The following CEP63 variants were observed in gnomAD, a reference collection of about 807,000 sequenced individuals.
CEP63 encodes the protein centrosomal protein of 63 kDa.
In CEP63, 84 loss-of-function variants were observed where a neutral mutation model predicts 89.1. The observed-to-expected ratio is 0.94, with a 90% CI of 0.79 to 1.13. CEP63 has a LOEUF of 1.13. Among genes scored for constraint, CEP63 ranks in the 50% most tolerant of loss-of-function variants. The pLI, the probability that CEP63 is intolerant of heterozygous loss-of-function variation, is 0.00. For synonymous variants in CEP63, 267 were observed against 272.5 expected (o/e 0.98, Z 0.20); for missense variants, 838 against 813.3 (o/e 1.03, Z -0.37).
chr3:134,601,480 T>C, the CEP63 span, among the ~76,000 whole-genome samples: 1 of 152,252 alleles, frequency 6.6e-6, no homozygotes, highest in Non-Finnish European at 1.5e-5. Flanking sequence ...AAGGCACTTA[T>C]TGTTTTGATG....
the CEP63 span, chr3:134,755,816 C>CT: frequency 6.6e-6 from 1 of 152,274 alleles, no homozygotes; most frequent in Non-Finnish European, 1.5e-5. Context: ...CTGACTGGTG[C>CT]TTTGAGTTTT....
chr3:134,736,920 A>G, the CEP63 span, among the ~76,000 whole-genome samples: 11 of 152,310 alleles, frequency 7.2e-5, no homozygotes, highest in African/African-American at 2.6e-4. Flanking sequence ...ATTTTTAAAA[A>G]GTTACAGTAA....
Position 134,583,015 on chromosome 3 carries a change from T to C in CEP63, c.1207-4443T>C, listed in dbSNP as rs556433404. On this transcript the variant is annotated intron_variant, in intron 10 of 10. Transcript: ENST00000683931. ...TCTGTTCATATCCTTTGCCCACTTT[T>C]TGATGGGGTTGTTTGTTTTTTTCTT... Among the ~76,000 whole-genome samples the C allele has an allele frequency of 5.9e-5, 9 of 152,354 alleles. 1 individual carries two copies. The South Asian group carries it at 1.9e-3, about 32-fold the overall frequency.
chr3:134,746,686 G>A, the CEP63 span, among the ~76,000 whole-genome samples: 2 of 152,194 alleles, frequency 1.3e-5, no homozygotes, highest in African/African-American at 4.8e-5. Flanking sequence ...GTGATGATGA[G>A]CATTTTTTCA....
the CEP63 span, among the ~76,000 whole-genome samples, chr3:134,598,899 A>T: frequency 6.6e-6 from 1 of 152,196 alleles, no homozygotes; most frequent in Non-Finnish European, 1.5e-5. Flanking sequence ...TGCTTGCAAA[A>T]TCAGACAGAA....
At chr3:134,750,438 A>G in the CEP63 span, among the ~76,000 whole-genome samples, 1 of 152,186 alleles carries the variant, frequency 6.6e-6, no homozygotes, top group Non-Finnish European at 1.5e-5. Flanking sequence ...GGATTCCTCC[A>G]TCTCTCTCAG....
At chr3:134,709,105 C>T in the CEP63 span, among the ~76,000 whole-genome samples, 1 of 152,130 alleles carries the variant, frequency 6.6e-6, no homozygotes, top group African/African-American at 2.4e-5. Flanking sequence ...TAATGAAGAC[C>T]TTGATAGACC....
downstream of CEP63, among the ~76,000 whole-genome samples, chr3:134,577,358 T>G (rs1186075103): frequency 6.6e-6 from 1 of 152,064 alleles, no homozygotes; most frequent in Non-Finnish European, 1.5e-5. Context: ...ATGTCAACAT[T>G]TCATCATATA....
the CEP63 span, among the ~76,000 whole-genome samples, chr3:134,712,079 C>T: frequency 2.0e-5 from 3 of 152,120 alleles, no homozygotes; most frequent in Non-Finnish European, 4.4e-5. Context: ...TTGATCATTA[C>T]GTGTGACTTT....
At chr3:134,494,071 G>A (rs188143250) in intron 1 of CEP63, among the ~76,000 whole-genome samples, 25 of 150,338 alleles carry the variant, frequency 1.7e-4, no homozygotes, top group Admixed American at 1.2e-3. Context: ...TTTCTTCATG[G>A]TGTATCTTAC....
intron 3 of CEP63, among the ~76,000 whole-genome samples, chr3:134,513,753 C>A (rs893096348): frequency 1.3e-5 from 2 of 151,988 alleles, no homozygotes; most frequent in African/African-American, 2.4e-5. Flanking sequence ...AGAACAGGCC[C>A]TCTTGAAAAA....
In CEP63 at chr3:134,489,714, TA is replaced by T. The variant is rs773583649; in HGVS notation, c.-26+3513del. Among the ~76,000 whole-genome samples, 3 of 152,314 alleles carry T rather than the reference TA, an allele frequency of 2.0e-5. No homozygotes were observed. The South Asian group carries it at 6.2e-4, about 32-fold the overall frequency. On this transcript the variant is annotated intron_variant, in intron 1 of 14. Coordinates refer to ENST00000675561, the MANE Select transcript of CEP63 (RefSeq NM_001353108.3). The stretch of plus-strand genomic sequence containing the variant: ...TTCCAGCTGTTTGACTACCCTGAAA[TA>T]CAATTTGTACAGGAAAGGCAAGAAA...
intron 2 of CEP63, among the ~76,000 whole-genome samples, chr3:134,501,139 G>T (rs1263112962): frequency 6.6e-6 from 1 of 152,134 alleles, no homozygotes; most frequent in African/African-American, 2.4e-5. Context: ...TTGAAGATCA[G>T]TTCATTGTAA....
chr3:134,629,730 A>T, the CEP63 span: 1 of 1,411,430 alleles, frequency 7.1e-7, no homozygotes, highest in East Asian at 2.4e-5. Context: ...TCTCAACCAG[A>T]TGCTGCCAGG....
At chr3:134,507,803 C>T (rs1943847963) in intron 3 of CEP63, among the ~76,000 whole-genome samples, 1 of 152,126 alleles carries the variant, frequency 6.6e-6, no homozygotes, top group Non-Finnish European at 1.5e-5. Flanking sequence ...GCAGTCCCAC[C>T]ACTCATTGAT....
At chr3:134,724,687 A>G in the CEP63 span, among the ~76,000 whole-genome samples, 1 of 152,252 alleles carries the variant, frequency 6.6e-6, no homozygotes. Context: ...TTATAGAGGA[A>G]CATATTAAAT....
At chr3:134,530,287 C>T (rs996150325) in intron 3 of CEP63, among the ~76,000 whole-genome samples, 3 of 152,172 alleles carry the variant, frequency 2.0e-5, no homozygotes, top group South Asian at 2.1e-4. Context: ...AACTTACCCG[C>T]ACAAGTTTCG....
Position 134,513,153 on chromosome 3 carries a change from T to C in CEP63, c.222+5867T>C, listed in dbSNP as rs975394065. On this transcript the variant is annotated intron_variant, in intron 3 of 14. Coordinates refer to ENST00000675561, the MANE Select transcript of CEP63 (RefSeq NM_001353108.3). ...AAGGATAGGTGTATAGCTGTCATCA[T>C]GAGAACTCCCTTCATCATTATTCTG... Among the ~76,000 whole-genome samples, 5 of 152,210 alleles carry C rather than the reference T, an allele frequency of 3.3e-5. No individual in the cohort carries two copies. The East Asian group carries it at 9.6e-4, about 29-fold the overall frequency.
intron 2 of CEP63, among the ~76,000 whole-genome samples, chr3:134,495,767 C>T (rs559549050): frequency 8.1e-4 from 123 of 152,274 alleles, no homozygotes; most frequent in Non-Finnish European, 1.5e-3. Flanking sequence ...AACCATCGTT[C>T]TACTCTCTAC....
Sources: gnomAD v4.1 joint callset for allele counts (sites outside exome capture counted in the v4.1 genomes callset) on GRCh38, gnomAD v4.1.1 for gene constraint, MANE v1.5 for transcripts, NCBI Gene and HGNC (gene_info 2026-07-23, HGNC 2026-07-21) for gene names.